The following KCND2 variants were observed in gnomAD, a reference collection of about 807,000 sequenced individuals.
KCND2 encodes the protein potassium voltage-gated channel subfamily D member 2, also known as A-type voltage-gated potassium channel KCND2.
A neutral mutation model predicts 54.4 loss-of-function variants in KCND2; 16 were observed. The ratio of observed to expected loss-of-function variants is 0.29; its 90% CI spans 0.20 to 0.45. The LOEUF (loss-of-function observed/expected upper bound fraction) is 0.45, where lower values mean the gene tolerates loss of function less well. Ranked by LOEUF, KCND2 falls within the 20% of genes least tolerant of loss-of-function variation. The pLI is 1.00. For missense variants in KCND2, 486 were observed against 824.2 expected, an observed-to-expected ratio of 0.59 and a Z score of 5.02; for synonymous variants, 317 against 310.7, an observed-to-expected ratio of 1.02 and a Z score of -0.21.
chr7:120,636,738 T>G (rs888734539), intron 1 of KCND2, among the ~76,000 whole-genome samples: 1 of 152,090 alleles, frequency 6.6e-6, no homozygotes, highest in African/African-American at 2.4e-5. Flanking sequence ...ATCTGTGAAA[T>G]AAATGACTAA....
At chr7:120,669,025 A>G (rs960168236) in intron 1 of KCND2, among the ~76,000 whole-genome samples, 1 of 152,076 alleles carries the variant, frequency 6.6e-6, no homozygotes, top group Non-Finnish European at 1.5e-5. Context: ...GTATAAATGG[A>G]TTGATAAAGT....
intron 1 of KCND2, among the ~76,000 whole-genome samples, chr7:120,340,263 T>C (rs1470014896): frequency 6.6e-6 from 1 of 152,180 alleles, no homozygotes; most frequent in African/African-American, 2.4e-5. Flanking sequence ...AATAGAAATT[T>C]TGAGAAATAA....
intron 1 of KCND2, among the ~76,000 whole-genome samples, chr7:120,387,776 A>G (rs1801011334): frequency 6.6e-6 from 1 of 152,016 alleles, no homozygotes; most frequent in Admixed American, 6.6e-5. Flanking sequence ...AGAAAAATAA[A>G]TCTCAACTGA....
chr7:120,301,005 A>C (rs1554424451), intron 1 of KCND2, among the ~76,000 whole-genome samples: 1 of 152,148 alleles, frequency 6.6e-6, no homozygotes, highest in Non-Finnish European at 1.5e-5. Context: ...TCAGGGCTTC[A>C]AAAGTTATAA....
At chr7:120,646,956 A>G (rs2116539010) in intron 1 of KCND2, among the ~76,000 whole-genome samples, 1 of 152,270 alleles carries the variant, frequency 6.6e-6, no homozygotes, top group South Asian at 2.1e-4. Flanking sequence ...TTTCGGATCC[A>G]TTTTTCGGAT....
rs138229030 is a variant in KCND2, at chr7:120,316,204, G to C, written c.1115+40457G>C. On this transcript the variant is annotated intron_variant, in intron 1 of 5. Coordinates refer to ENST00000331113, the MANE Select transcript of KCND2 (RefSeq NM_012281.3). ...ACATTTGCCTTAACATTTCTGTCAAGAGTTGGAAATCCAGGTGCTTCTGCT... is the reference window on the plus strand; with the variant it reads ...ACATTTGCCTTAACATTTCTGTCAACAGTTGGAAATCCAGGTGCTTCTGCT... Among the ~76,000 whole-genome samples, 314 of 152,214 alleles carry C rather than the reference G, an allele frequency of 2.1e-3. 1 individual carries two copies. Among genetic ancestry groups the C allele is most frequent in the African/African-American group, 6.8e-3 (281 of 41,532 alleles).
chr7:120,457,491 T>C (rs1280502503), intron 1 of KCND2, among the ~76,000 whole-genome samples: 1 of 152,212 alleles, frequency 6.6e-6, no homozygotes, highest in Non-Finnish European at 1.5e-5. Flanking sequence ...CAAAATGCTG[T>C]CAGTCTCTTT....
chr7:120,438,198 A>C (rs902865722), intron 1 of KCND2, among the ~76,000 whole-genome samples: 1 of 152,218 alleles, frequency 6.6e-6, no homozygotes, highest in African/African-American at 2.4e-5. Context: ...TTGGCAGCGC[A>C]TGATCAAGTG....
intron 1 of KCND2, among the ~76,000 whole-genome samples, chr7:120,579,436 T>A (rs987971833): frequency 3.3e-5 from 5 of 151,730 alleles, no homozygotes; most frequent in Admixed American, 6.6e-5. Context: ...AACCCACCTC[T>A]ACTAAAAATA....
At chr7:120,628,489 C>G (rs1793189030) in intron 1 of KCND2, among the ~76,000 whole-genome samples, 1 of 152,048 alleles carries the variant, frequency 6.6e-6, no homozygotes, top group South Asian at 2.1e-4. Flanking sequence ...ACTGTCCTCA[C>G]AGGAAATCCC....
chr7:120,289,687 C>G (rs1325886555), intron 1 of KCND2, among the ~76,000 whole-genome samples: 2 of 152,016 alleles, frequency 1.3e-5, no homozygotes, highest in Non-Finnish European at 2.9e-5. Context: ...CCAAAAACAG[C>G]AGCTATTCTT....
At chr7:120,600,595 T>C (rs1443772119) in intron 1 of KCND2, among the ~76,000 whole-genome samples, 1 of 152,022 alleles carries the variant, frequency 6.6e-6, no homozygotes, top group African/African-American at 2.4e-5. Context: ...TGAAAGTAAG[T>C]TTAAAATTGA....
intron 1 of KCND2, among the ~76,000 whole-genome samples, chr7:120,578,116 AAAG>A (rs1413331759): frequency 6.6e-6 from 1 of 151,866 alleles, no homozygotes; most frequent in East Asian, 2.0e-4. Context: ...AGGAAGAAGA[AAAG>A]AAGGAAGAAG....
intron 1 of KCND2, among the ~76,000 whole-genome samples, chr7:120,715,537 A>G (rs906332688): frequency 6.6e-6 from 1 of 152,094 alleles, no homozygotes; most frequent in African/African-American, 2.4e-5. Flanking sequence ...AGCTAAAACA[A>G]AATCATTACA....
intron 1 of KCND2, among the ~76,000 whole-genome samples, chr7:120,410,363 G>A (rs191772249): frequency 1.1e-4 from 17 of 151,550 alleles, no homozygotes; most frequent in African/African-American, 4.1e-4. Context: ...TTCTTTTTTG[G>A]CTATTATAGG....
chr7:120,416,003 T>G (rs956899724), intron 1 of KCND2, among the ~76,000 whole-genome samples: 3 of 152,142 alleles, frequency 2.0e-5, no homozygotes, highest in South Asian at 4.1e-4. Context: ...ATATTTTACC[T>G]CCAGAGATAT....
At chr7:120,597,321 G>T (rs189479473) in intron 1 of KCND2, among the ~76,000 whole-genome samples, 1 of 152,100 alleles carries the variant, frequency 6.6e-6, no homozygotes, top group Non-Finnish European at 1.5e-5. Context: ...ACAAAGAATC[G>T]TCTGTGTTTT....
Position 120,327,754 on chromosome 7 carries a change from C to CT in KCND2, c.1115+52018dup, listed in dbSNP as rs368965454. 7.7e-3 allele frequency among the ~76,000 whole-genome samples: 1,102 copies of CT among 143,824 alleles called. 10 individuals carry two copies. Among genetic ancestry groups the CT allele is most frequent in the East Asian group, 0.04 (202 of 5,000 alleles). The allele number at this position is 143,824 out of a possible 152,430, so 94.4% of individuals were successfully genotyped here. On this transcript the variant is annotated intron_variant, in intron 1 of 5. Coordinates refer to ENST00000331113, the MANE Select transcript of KCND2 (RefSeq NM_012281.3). ...TAATCACTCTCACTGCAGAAGTTGC[C>CT]TTTTTTTTTTTAGAAAGTTTTAAAT...
intron 1 of KCND2, among the ~76,000 whole-genome samples, chr7:120,372,574 CA>C (rs1584751589): frequency 6.6e-6 from 1 of 151,796 alleles, no homozygotes; most frequent in Non-Finnish European, 1.5e-5. Context: ...CCTAGAAAAA[CA>C]AACTTTGTAT....
Sources: allele counts gnomAD v4.1 joint callset (sites outside exome capture counted in the v4.1 genomes callset), GRCh38; gene constraint gnomAD v4.1.1; transcripts MANE v1.5; gene names NCBI Gene and HGNC (gene_info 2026-07-23, HGNC 2026-07-21).